EYS: variants seen among roughly 807,000 people sequenced by gnomAD.
The protein encoded by EYS is EGF-like photoreceptor maintenance factor.
In EYS, 250 loss-of-function variants were observed where a neutral mutation model predicts 282.1. That is an observed-to-expected ratio of 0.89 (90% confidence interval 0.80 to 0.98). EYS has a LOEUF of 0.98. Ranked by LOEUF, EYS falls within the 50% of genes least tolerant of loss-of-function variation. The pLI, the probability that EYS is intolerant of heterozygous loss-of-function variation, is 0.00. For missense variants in EYS, 4,016 were observed against 3,709.0 expected, an observed-to-expected ratio of 1.08 and a Z score of -2.15; for synonymous variants, 1,355 against 1,282.9, an observed-to-expected ratio of 1.06 and a Z score of -1.20.
chr6:65,040,397 A>G (rs1772898834), intron 13 of EYS, among the ~76,000 whole-genome samples: 1 of 151,658 alleles, frequency 6.6e-6, no homozygotes, highest in South Asian at 2.1e-4. Context: ...CTTCATATGG[A>G]GGTCTCCCTG....
At chr6:64,531,321 A>T (rs1474267300) in intron 26 of EYS, among the ~76,000 whole-genome samples, 1 of 151,802 alleles carries the variant, frequency 6.6e-6, no homozygotes, top group East Asian at 1.9e-4. Flanking sequence ...ACAGGAGAGG[A>T]TTTTGTAGTA....
intron 36 of EYS, among the ~76,000 whole-genome samples, chr6:63,808,614 C>T (rs1464565584): frequency 6.6e-6 from 1 of 152,076 alleles, no homozygotes; most frequent in Non-Finnish European, 1.5e-5. Flanking sequence ...ATTTAAACAG[C>T]TAATGGAAAT....
intron 2 of EYS, among the ~76,000 whole-genome samples, chr6:65,522,819 A>G (rs370570534): frequency 1.3e-5 from 2 of 152,270 alleles, no homozygotes; most frequent in East Asian, 3.9e-4. Context: ...AATTTTTATA[A>G]TAACTGAACT....
intron 12 of EYS, among the ~76,000 whole-genome samples, chr6:65,228,792 G>A (rs1171034079): frequency 6.6e-6 from 1 of 152,068 alleles, no homozygotes; most frequent in African/African-American, 2.4e-5. Flanking sequence ...CACAAGAGTG[G>A]TGGTATTGGT....
intron 12 of EYS, among the ~76,000 whole-genome samples, chr6:65,069,714 C>A (rs1245347014): frequency 6.6e-6 from 1 of 151,838 alleles, no homozygotes; most frequent in Admixed American, 6.6e-5. Flanking sequence ...ATACATTATA[C>A]TGGTTTTAAT....
At position 64,776,684 on chromosome 6, in the gene EYS, A is replaced by G. The variant is rs576666415; in HGVS notation, c.3443+36694T>C. 6.6e-5 allele frequency among the ~76,000 whole-genome samples: 10 copies of G among 152,220 alleles called. No individual in the cohort carries two copies. In the South Asian group the frequency reaches 2.1e-3, roughly 32 times the overall value. On this transcript the variant is annotated intron_variant, in intron 22 of 42. Transcript: ENST00000503581. Reference sequence around the variant, plus strand: ...ATCATTAGCCTTTCACATATATTTCAAATAAAAATGTAATTATATTAGTAA... The same window carrying G: ...ATCATTAGCCTTTCACATATATTTCGAATAAAAATGTAATTATATTAGTAA...
intron 39 of EYS, among the ~76,000 whole-genome samples, chr6:63,778,513 AATAAC>A (rs1396064980): frequency 3.3e-5 from 5 of 152,134 alleles, no homozygotes; most frequent in Non-Finnish European, 7.4e-5. Flanking sequence ...GAACATCATA[AATAAC>A]ATTAACTTTT....
At chr6:64,595,962 C>T (rs1285137242) in intron 24 of EYS, among the ~76,000 whole-genome samples, 4 of 152,136 alleles carry the variant, frequency 2.6e-5, no homozygotes, top group East Asian at 1.9e-4. Context: ...AAGCATGGTG[C>T]TGGCATCTGC....
chr6:65,535,305 T>C (rs1767923502), intron 2 of EYS, among the ~76,000 whole-genome samples: 1 of 152,126 alleles, frequency 6.6e-6, no homozygotes, highest in Non-Finnish European at 1.5e-5. Flanking sequence ...GCTCCCATAA[T>C]TCCCATTTTG....
chr6:65,149,791 A>T (rs1194263609), intron 12 of EYS, among the ~76,000 whole-genome samples: 1 of 152,110 alleles, frequency 6.6e-6, no homozygotes, highest in Non-Finnish European at 1.5e-5. Flanking sequence ...TTACCTCAGT[A>T]CCTATTTATT....
intron 41 of EYS, among the ~76,000 whole-genome samples, chr6:63,737,635 A>G (rs1282639364): frequency 1.3e-5 from 2 of 152,218 alleles, no homozygotes; most frequent in Middle Eastern, 3.4e-3. Context: ...CTCTTTTTCT[A>G]TTGATTGGAA....
chr6:64,297,856 T>C (rs1170581125), intron 30 of EYS, among the ~76,000 whole-genome samples: 1 of 151,682 alleles, frequency 6.6e-6, no homozygotes, highest in African/African-American at 2.4e-5. Flanking sequence ...TGTGTGCCTG[T>C]AATCCCAGCT....
chr6:64,439,884 G>A (rs544771700), intron 26 of EYS, among the ~76,000 whole-genome samples: 3 of 151,836 alleles, frequency 2.0e-5, no homozygotes, highest in African/African-American at 7.2e-5. Flanking sequence ...GACACTTTGA[G>A]CAAAATACTC....
chr6:65,249,558 T>G (rs1767265699), intron 12 of EYS, among the ~76,000 whole-genome samples: 1 of 151,934 alleles, frequency 6.6e-6, no homozygotes, highest in African/African-American at 2.4e-5. Flanking sequence ...TTTTTTTTTT[T>G]TGCTATGGTA....
intron 26 of EYS, among the ~76,000 whole-genome samples, chr6:64,538,089 T>C (rs1764584196): frequency 6.6e-6 from 1 of 152,156 alleles, no homozygotes; most frequent in South Asian, 2.1e-4. Flanking sequence ...GTTCGGGAAA[T>C]TTTTGGCAGA....
chr6:64,916,810 CT>C, intron 15 of EYS, among the ~76,000 whole-genome samples: 1 of 152,292 alleles, frequency 6.6e-6, no homozygotes, highest in South Asian at 2.1e-4. Context: ...CTAATTTGCT[CT>C]TTTCCCTAGT....
chr6:65,185,799 T>C (rs1052870746), intron 12 of EYS, among the ~76,000 whole-genome samples: 22 of 151,826 alleles, frequency 1.4e-4, no homozygotes, highest in Non-Finnish European at 2.7e-4. Flanking sequence ...GTTACCTGGC[T>C]ACTATTTATA....
intron 18 of EYS, among the ~76,000 whole-genome samples, chr6:64,894,412 A>G (rs1166668140): frequency 6.6e-6 from 1 of 152,172 alleles, no homozygotes; most frequent in African/African-American, 2.4e-5. Flanking sequence ...ACAGATATCT[A>G]TGGCAGAGGC....
intron 12 of EYS, among the ~76,000 whole-genome samples, chr6:65,155,214 T>G (rs1764704268): frequency 1.3e-5 from 2 of 151,564 alleles, no homozygotes; most frequent in Admixed American, 1.3e-4. Flanking sequence ...AGGTTAGTAT[T>G]GCCTGCACTT....
Sources: gnomAD v4.1 joint callset for allele counts (sites outside exome capture counted in the v4.1 genomes callset) on GRCh38, gnomAD v4.1.1 for gene constraint, MANE v1.5 for transcripts, NCBI Gene and HGNC (gene_info 2026-07-23, HGNC 2026-07-21) for gene names.